Variants in PIK3R6 observed in about 807,000 individuals in gnomAD.
PIK3R6 encodes phosphoinositide-3-kinase regulatory subunit 6.
A neutral mutation model predicts 84.9 loss-of-function variants in PIK3R6; 91 were observed. The observed-to-expected ratio is 1.07, with a 90% CI of 0.90 to 1.28. The LOEUF is 1.28. Ranked by LOEUF, PIK3R6 falls within the 50% of genes most tolerant of loss-of-function variation. The pLI is 0.00. For synonymous variants in PIK3R6, 416 were observed against 411.4 expected, an observed-to-expected ratio of 1.01 and a Z score of -0.13; for missense variants, 996 against 985.1, an observed-to-expected ratio of 1.01 and a Z score of -0.15.
In PIK3R6 at chr17:8,823,362, T is replaced by G. The variant is rs1162215996; in HGVS notation, c.1626+25A>C. On this transcript the variant is annotated intron_variant, in intron 14 of 19. Transcript: ENST00000619866. ...TTAATCGGTGGGGTCCTGGGGTCCC[T>G]TGGAGCCTCCAGTGGGATGCTTACC... 7 of 1,527,946 alleles carry G rather than the reference T, an allele frequency of 4.6e-6. No individual in the cohort carries two copies. The Admixed American group carries it at 1.2e-4, about 27-fold the overall frequency. The allele number at this position is 1,527,946 out of a possible 1,614,324, so 94.6% of individuals were successfully genotyped here. A position where few individuals can be genotyped will look rare whatever the true frequency, so the allele number is the denominator to read the frequency against.
At position 8,862,965 on chromosome 17, in the gene PIK3R6, G is replaced by A. The variant is rs2089317153; in HGVS notation, c.-92+4564C>T. Among the ~76,000 whole-genome samples, 1 of 152,164 alleles carries A rather than the reference G, an allele frequency of 6.6e-6. No individual in the cohort carries two copies. The highest frequency in any genetic ancestry group is 6.5e-5 in the Admixed American group (1 of 15,270). ...CATAGTTCCTGAGCACCTTCTATGT[G>A]TCAGACATTGTTCCAGGTCCCAGGG... On this transcript the variant is annotated intron_variant, in intron 1 of 19. Coordinates refer to ENST00000619866, the MANE Select transcript of PIK3R6 (RefSeq NM_001010855.4). This position sits in a 1 kb window ranked among gnomAD's most constrained non-coding sequence, Gnocchi z 4.3.
chr17:8,806,182 G>A (rs1388973535), intron 18 of PIK3R6, among the ~76,000 whole-genome samples: 1 of 152,246 alleles, frequency 6.6e-6, no homozygotes, highest in African/African-American at 2.4e-5. Context: ...CATAATGAAT[G>A]GAATTGCACC....
chr17:8,816,917 A>G (rs926369041), intron 18 of PIK3R6, among the ~76,000 whole-genome samples: 9 of 152,216 alleles, frequency 5.9e-5, no homozygotes, highest in African/African-American at 1.9e-4. Flanking sequence ...CTAAAAAGAC[A>G]TAACCATGAT....
intron 12 of PIK3R6, among the ~76,000 whole-genome samples, chr17:8,827,873 A>AATAG (rs144518170): frequency 0.22 from 33,138 of 150,436 alleles, 3,829 homozygotes; most frequent in Non-Finnish European, 0.24. Flanking sequence ...AAACAAAACA[A>AATAG]ATAGCAGCAA....
chr17:8,827,273 G>A lies in PIK3R6; in HGVS notation c.1414C>T (p.Pro472Ser). The A allele has an allele frequency of 6.4e-7, 1 of 1,562,084 alleles. No individual in the cohort carries two copies. ...AACGTAGCCAGCTCTCCCAGCTCCG[G>A]CTGCCTGGATGCTGCAGGCTTCTGG... ...APEKPAASRQ[P>S]ELGELATFLG... The change falls in exon 13 of 20, where the codon CCG becomes TCG. Residue 472 changes from proline to serine, a missense_variant. Transcript: ENST00000619866.
At chr17:8,836,522 T>C (rs571051462) in intron 7 of PIK3R6, 25 bp downstream of exon 7, 2 of 1,613,432 alleles carry the variant, frequency 1.2e-6, no homozygotes, top group East Asian at 4.5e-5. Flanking sequence ...AGGCTGAAGG[T>C]AGCAATTTTT....
In PIK3R6 at chr17:8,844,074, G is replaced by C. The variant is rs892261873; in HGVS notation, c.14-4377C>G. On this transcript the variant is annotated intron_variant, in intron 2 of 19. Transcript: ENST00000619866. This position sits in a 1 kb window ranked among gnomAD's most constrained non-coding sequence, Gnocchi z 4.5. Reference sequence around the variant, plus strand: ...GAATGAGGAAAATCAGACCGGCTGGGACAAAGCTTACCAGTGGCGGCAAAG... The same window carrying C: ...GAATGAGGAAAATCAGACCGGCTGGCACAAAGCTTACCAGTGGCGGCAAAG... 6.6e-5 allele frequency among the ~76,000 whole-genome samples: 10 copies of C among 152,212 alleles called. No homozygotes were observed. The highest frequency in any genetic ancestry group is 1.3e-4 in the Admixed American group (2 of 15,288).
intron 10 of PIK3R6, 121 bp downstream of exon 10, chr17:8,829,585 G>GAC (rs547199491): frequency 1.0e-6 from 1 of 953,888 alleles, no homozygotes; most frequent in African/African-American, 2.3e-5. Context: ...CAGACACACT[G>GAC]ACACACACTC....
intron 9 of PIK3R6, among the ~76,000 whole-genome samples, chr17:8,830,879 C>T (rs1053121905): frequency 6.6e-6 from 1 of 152,114 alleles, no homozygotes; most frequent in Admixed American, 6.6e-5. Context: ...CACGGTGGCT[C>T]ATGCCTGTAA....
chr17:8,851,182 GA>G (rs11454721), intron 1 of PIK3R6, among the ~76,000 whole-genome samples: 17 of 145,664 alleles, frequency 1.2e-4, no homozygotes, highest in South Asian at 2.2e-4. Context: ...TAGATATACA[GA>G]AAAAAAAAAC....
intron 1 of PIK3R6, among the ~76,000 whole-genome samples, 169 bp downstream of exon 1, chr17:8,867,360 G>A (rs988576908): frequency 5.9e-5 from 9 of 152,182 alleles, no homozygotes; most frequent in South Asian, 2.1e-4. Flanking sequence ...AGTGTCTGAG[G>A]TCACCCTTCT....
intron 10 of PIK3R6, 103 bp downstream of exon 10, chr17:8,829,577 GACACACTGACACACACTCATGCATAC>G (rs1310852901): frequency 3.4e-5 from 31 of 916,574 alleles, no homozygotes; most frequent in East Asian, 1.5e-4. Context: ...TACACACACA[GACACACTGACACACACTCATGCATAC>G]ACACACTGAC....
intron 17 of PIK3R6, among the ~76,000 whole-genome samples, chr17:8,820,822 G>C (rs981304089): frequency 2.0e-5 from 3 of 152,200 alleles, no homozygotes; most frequent in Non-Finnish European, 2.9e-5. Flanking sequence ...AGCCACAGTG[G>C]ATTTCAGAGA....
At chr17:8,850,136 T>C (rs1261430250) in intron 1 of PIK3R6, among the ~76,000 whole-genome samples, 1 of 151,934 alleles carries the variant, frequency 6.6e-6, no homozygotes, top group South Asian at 2.1e-4. Flanking sequence ...AAACCCCGTC[T>C]CTACTAAAAA....
intron 2 of PIK3R6, among the ~76,000 whole-genome samples, chr17:8,841,884 T>G (rs543675086): frequency 9.0e-4 from 137 of 152,230 alleles, no homozygotes; most frequent in African/African-American, 3.2e-3. Flanking sequence ...TTGAAATTTG[T>G]TCCCCAGTGT....
rs777271558 is a variant in PIK3R6 at position 8,823,496 on chromosome 17, G to A, written c.1517C>T (p.Pro506Leu). The change falls in exon 14 of 20, where the codon CCT (proline) becomes CTT (leucine). Residue 506 changes from proline to leucine, a missense_variant and splice_region_variant. Pro to Leu is a moderately conservative substitution (Grantham distance 98). Coordinates refer to ENST00000619866, the MANE Select transcript of PIK3R6 (RefSeq NM_001010855.4). ...CPAIHKLAEM[P>L]PSLDTSRTVD... ...AGTCCGGGATGTGTCCAGGGAAGGA[G>A]GCTGTGATGGAGACAGGGAATGTCT... is the stretch of plus-strand genomic sequence containing the variant. 6.3e-7 allele frequency: 1 copy of A among 1,597,226 alleles called. No individual in the cohort carries two copies. The highest frequency in any genetic ancestry group is 8.6e-7 in the Non-Finnish European group (1 of 1,165,288).
chr17:8,821,271 T>A (rs958589685), intron 17 of PIK3R6, among the ~76,000 whole-genome samples: 6 of 152,120 alleles, frequency 3.9e-5, no homozygotes, highest in Non-Finnish European at 8.8e-5. Context: ...AGAGGTGATG[T>A]TGGGTGTGTT....
intron 1 of PIK3R6, among the ~76,000 whole-genome samples, chr17:8,860,293 G>GCGC (rs1555541060): frequency 6.6e-6 from 1 of 152,010 alleles, no homozygotes; most frequent in Non-Finnish European, 1.5e-5. Flanking sequence ...CTGGGGCGGG[G>GCGC]GGCGGTGTGG....
In PIK3R6 at chr17:8,862,281, T is replaced by C. The variant is rs1190181312; in HGVS notation, c.-92+5248A>G. On this transcript the variant is annotated intron_variant, in intron 1 of 19. Coordinates refer to ENST00000619866, the MANE Select transcript of PIK3R6 (RefSeq NM_001010855.4). This position sits in a 1 kb window ranked among gnomAD's most constrained non-coding sequence, Gnocchi z 4.3. ...TGAGTCCCCATTACCTGACACTGTT[T>C]ATACCACATGGAAGGCCCTTGATAA... 3.3e-5 allele frequency among the ~76,000 whole-genome samples: 5 copies of C among 152,202 alleles called. No individual in the cohort carries two copies. The East Asian group carries it at 5.8e-4, about 18-fold the overall frequency.
Sources: allele counts gnomAD v4.1 joint callset (sites outside exome capture counted in the v4.1 genomes callset), GRCh38; gene constraint gnomAD v4.1.1; non-coding constraint Gnocchi (gnomAD v3.1); transcripts MANE v1.5; gene names NCBI Gene and HGNC (gene_info 2026-07-23, HGNC 2026-07-21).